The following SCN9A variants were observed in gnomAD, a reference collection of about 807,000 sequenced individuals.
SCN9A encodes sodium voltage-gated channel alpha subunit 9, also known as sodium channel protein type 9 subunit alpha.
Under a neutral mutation model 187.0 loss-of-function variants are expected in SCN9A, and 131 were observed. The observed-to-expected ratio is 0.70, with a 90% CI of 0.61 to 0.81. The LOEUF (loss-of-function observed/expected upper bound fraction) is 0.81. Ranked by LOEUF, SCN9A falls within the 30% of genes least tolerant of loss-of-function variation. SCN9A has a pLI of 0.00. For missense variants in SCN9A, 2,252 were observed against 2,396.6 expected (o/e 0.94, Z 1.26); for synonymous variants, 809 against 808.6 (o/e 1.00, Z -0.01).
Position 166,228,815 on chromosome 2 carries a change from G to T in SCN9A, c.4082C>A (p.Ala1361Glu), listed in dbSNP as rs2106387601. ...INTTDGSRFP[A>E]SQVPNRSECF... ...TTCGGAACGATTTGGAACTTGACTTGCAGGAAACCGTGACCCATCTGTGGT... is the reference window on the plus strand; with the variant it reads ...TTCGGAACGATTTGGAACTTGACTTTCAGGAAACCGTGACCCATCTGTGGT... The change falls in exon 22 of 27, where the codon GCA becomes GAA. Residue 1361 changes from alanine to glutamate, a missense_variant. Ala to Glu is a moderately radical substitution (Grantham distance 107, BLOSUM62 -1). This residue lies in a region of SCN9A where 368 missense variants were observed against 408.6 expected (regional missense o/e 0.90). Transcript: ENST00000642356. 3 of 1,613,850 alleles carry T rather than the reference G, an allele frequency of 1.9e-6. No homozygotes were observed. Among genetic ancestry groups the T allele is most frequent in the Non-Finnish European group, 2.5e-6 (3 of 1,179,836 alleles).
chr2:166,276,558 C>T (rs1342838579), intron 16 of SCN9A: 2 of 153,752 alleles, frequency 1.3e-5, no homozygotes, highest in Admixed American at 6.5e-5. Context: ...GGCATAGGTG[C>T]TGATCCTTGC....
chr2:166,318,607 C>T (rs1205759269), intron 1 of SCN9A, among the ~76,000 whole-genome samples: 1 of 149,824 alleles, frequency 6.7e-6, no homozygotes, highest in African/African-American at 2.5e-5. Context: ...AAAACAACAA[C>T]ATCAATTCTG....
chr2:166,331,980 T>C (rs369520775), intron 1 of SCN9A, among the ~76,000 whole-genome samples: 1 of 152,144 alleles, frequency 6.6e-6, no homozygotes, highest in Non-Finnish European at 1.5e-5. Flanking sequence ...GTAGTGGTGA[T>C]GGAATTCAGA....
intron 1 of SCN9A, among the ~76,000 whole-genome samples, chr2:166,318,938 C>G (rs1250086358): frequency 1.3e-5 from 2 of 151,942 alleles, no homozygotes; most frequent in Non-Finnish European, 2.9e-5. Flanking sequence ...ACATTAGTCT[C>G]AAGAGAGCAG....
intron 1 of SCN9A, among the ~76,000 whole-genome samples, chr2:166,369,061 T>C (rs1205158746): frequency 6.6e-6 from 1 of 151,966 alleles, no homozygotes; most frequent in Non-Finnish European, 1.5e-5. Context: ...TTATTGAACA[T>C]CTACTCATAT....
chr2:166,334,734 T>C (rs1699586579), intron 1 of SCN9A, among the ~76,000 whole-genome samples: 1 of 152,158 alleles, frequency 6.6e-6, no homozygotes, highest in Non-Finnish European at 1.5e-5. Flanking sequence ...TATTCTAATT[T>C]TTATTACGGC....
chr2:166,303,522 G>A (rs1698651038), intron 6 of SCN9A, among the ~76,000 whole-genome samples: 2 of 152,132 alleles, frequency 1.3e-5, no homozygotes, highest in South Asian at 4.1e-4. Flanking sequence ...GAATACCTAG[G>A]TTGTCAAAAT....
At position 166,311,715 on chromosome 2, in the gene SCN9A, A is replaced by T; in HGVS notation, c.42T>A (p.His14Gln). 6.2e-7 allele frequency: 1 copy of T among 1,611,596 alleles called. No homozygotes were observed. Among genetic ancestry groups the T allele is most frequent in the Non-Finnish European group, 8.5e-7 (1 of 1,178,268 alleles). Residue 14 changes from histidine (H) to glutamine (Q), a missense_variant, in exon 2 of 27, where the codon CAT becomes CAA. By Grantham distance (24) the His-to-Gln change is conservative. Transcript: ENST00000642356. ...TGAGGGCAAGAGACTGTTTTGTGAA[A>T]TGGACAAAGCTCTGAGGTCCTGGGG... ...LPPPGPQSFV[H>Q]FTKQSLALIE...
intron 1 of SCN9A, among the ~76,000 whole-genome samples, chr2:166,318,235 C>A (rs1699156049): frequency 6.6e-6 from 1 of 152,030 alleles, no homozygotes; most frequent in Admixed American, 6.6e-5. Context: ...ACTCCTCATC[C>A]ATACATCCTA....
chr2:166,210,687 C>G (rs1466544283), intron 24 of SCN9A, among the ~76,000 whole-genome samples: 2 of 151,520 alleles, frequency 1.3e-5, no homozygotes, highest in African/African-American at 4.8e-5. Context: ...TTTTAAATGA[C>G]TAAAATATGT....
intron 1 of SCN9A, among the ~76,000 whole-genome samples, chr2:166,338,828 A>G (rs528001989): frequency 1.4e-4 from 21 of 152,280 alleles, no homozygotes; most frequent in African/African-American, 4.1e-4. Context: ...TCAATTCACA[A>G]CTAAGGAAAC....
Position 166,307,050 on chromosome 2 carries a change from T to C in SCN9A, c.283A>G (p.Lys95Glu). 1 of 1,608,506 alleles carries C rather than the reference T, an allele frequency of 6.2e-7. No homozygotes were observed. Among genetic ancestry groups the C allele is most frequent in the Non-Finnish European group, 8.5e-7 (1 of 1,175,334 alleles). ...GTGGCATTGAAACGGAAGATTGTTT[T>C]CCCTTTGTTCAATACTATGAAAGTC... Reference protein sequence around the residue: ...KKTFIVLNKGKTIFRFNATPA... With the variant: ...KKTFIVLNKGETIFRFNATPA... Residue 95 changes from lysine (K) to glutamate (E), a missense_variant, in exon 3 of 27, where the codon AAA becomes GAA. Lys to Glu is a moderately conservative substitution (Grantham distance 56). Coordinates refer to ENST00000642356, the MANE Select transcript of SCN9A (RefSeq NM_001365536.1).
chr2:166,212,087 G>A (rs1452755391), intron 24 of SCN9A, among the ~76,000 whole-genome samples: 1 of 152,196 alleles, frequency 6.6e-6, no homozygotes, highest in Non-Finnish European at 1.5e-5. Flanking sequence ...GATACATTTT[G>A]TAGAAATGGT....
At chr2:166,270,753 C>CATTTT in intron 17 of SCN9A, among the ~76,000 whole-genome samples, 1 of 128,524 alleles carries the variant, frequency 7.8e-6, no homozygotes, top group Admixed American at 8.9e-5. Context: ...GCCTCCTGAG[C>CATTTT]ATTTTACTGA....
chr2:166,348,948 A>G (rs1699966988), intron 1 of SCN9A, among the ~76,000 whole-genome samples: 1 of 152,094 alleles, frequency 6.6e-6, no homozygotes. Context: ...CAACATGGAG[A>G]AACTCCATCT....
At chr2:166,204,816 T>G (rs1693719702) in intron 24 of SCN9A, 2 of 154,898 alleles carry the variant, frequency 1.3e-5, no homozygotes, top group Admixed American at 1.3e-4. Context: ...TTGTAAGAAT[T>G]AAAAGTAATG....
intron 1 of SCN9A, among the ~76,000 whole-genome samples, chr2:166,372,978 G>A (rs1479430289): frequency 2.0e-5 from 3 of 152,018 alleles, no homozygotes; most frequent in Non-Finnish European, 2.9e-5. Flanking sequence ...AGACCAACAC[G>A]GGACAACCTA....
chr2:166,195,402 GATA>G lies in SCN9A; in HGVS notation c.*3267_*3269del, dbSNP rs1693217243. 1 of 152,104 alleles carries G rather than the reference GATA, an allele frequency of 6.6e-6. No individual in the cohort carries two copies. The highest frequency in any genetic ancestry group is 1.5e-5 in the Non-Finnish European group (1 of 68,002). The allele number at this position is 152,104 out of a possible 1,614,324, so 9.4% of individuals were successfully genotyped here. A position where few individuals can be genotyped will look rare whatever the true frequency, so the allele number is the denominator to read the frequency against. On this transcript the variant is annotated 3_prime_UTR_variant, in exon 27 of 27. Coordinates refer to ENST00000642356, the MANE Select transcript of SCN9A (RefSeq NM_001365536.1). ...AATTCTTGATTGTTTTCCTCAAGAA[GATA>G]ATAACATAATAAACCACAGATATTT...
intron 12 of SCN9A, among the ~76,000 whole-genome samples, chr2:166,282,620 A>G (rs1305699143): frequency 6.6e-6 from 1 of 152,032 alleles, no homozygotes; most frequent in East Asian, 1.9e-4. Flanking sequence ...ACAACTCTAG[A>G]TCTATCATGT....
Sources: allele counts gnomAD v4.1 joint callset (sites outside exome capture counted in the v4.1 genomes callset), GRCh38; gene constraint gnomAD v4.1.1; regional missense constraint gnomAD v4.1.1; transcripts MANE v1.5; gene names NCBI Gene and HGNC (gene_info 2026-07-23, HGNC 2026-07-21).